Variants in PAH observed in about 807,000 individuals in gnomAD.
PAH encodes phenylalanine hydroxylase, also known as phenylalanine-4-hydroxylase.
In PAH, 64 loss-of-function variants were observed where a neutral mutation model predicts 62.0. The ratio of observed to expected loss-of-function variants is 1.03; its 90% CI spans 0.84 to 1.27. The LOEUF (loss-of-function observed/expected upper bound fraction) is 1.27, where lower values mean the gene tolerates loss of function less well. PAH is among the 50% of genes most tolerant of loss of function. The probability of loss-of-function intolerance (pLI) is 0.00; values close to 1 mark genes in which losing one functional copy is unlikely to be tolerated. For synonymous variants in PAH, 195 were observed against 196.2 expected (o/e 0.99, Z 0.05); for missense variants, 579 against 542.8 (o/e 1.07, Z -0.66).
intron 3 of PAH, among the ~76,000 whole-genome samples, chr12:102,881,710 A>G (rs117786527): frequency 4.2e-3 from 638 of 152,230 alleles, no homozygotes; most frequent in Non-Finnish European, 6.5e-3. Context: ...ATCAAGCAGT[A>G]TTTGTCTTTC....
intron 5 of PAH, among the ~76,000 whole-genome samples, chr12:102,864,349 A>C (rs181754857): frequency 2.4e-4 from 37 of 152,252 alleles, no homozygotes; most frequent in Admixed American, 2.4e-3. Context: ...GGTTAATCTG[A>C]TTCGCACCAG....
upstream of PAH, among the ~76,000 whole-genome samples, chr12:102,918,537 GA>G (rs1472090148): frequency 1.3e-5 from 2 of 150,508 alleles, no homozygotes; most frequent in Admixed American, 6.6e-5. Context: ...TTCTACCACT[GA>G]TTTGGTCAAG....
chr12:102,879,237 G>A (rs961578136), intron 3 of PAH, among the ~76,000 whole-genome samples: 4 of 152,108 alleles, frequency 2.6e-5, no homozygotes, highest in Non-Finnish European at 5.9e-5. Flanking sequence ...TGGTGGAGTA[G>A]CTACTTGAAT....
At chr12:102,853,849 A>G (rs1875287377) in intron 6 of PAH, among the ~76,000 whole-genome samples, 1 of 152,222 alleles carries the variant, frequency 6.6e-6, no homozygotes, top group African/African-American at 2.4e-5. Flanking sequence ...TCCCCACAAT[A>G]GCCCTATGAA....
chr12:102,854,865 G>A (rs1469806305), intron 6 of PAH: 2 of 517,430 alleles, frequency 3.9e-6, no homozygotes, highest in Non-Finnish European at 7.0e-6. Context: ...TGGGCTTTAA[G>A]TGTGAAAGAA....
At chr12:102,862,302 A>G (rs934588706) in intron 5 of PAH, among the ~76,000 whole-genome samples, 12 of 152,210 alleles carry the variant, frequency 7.9e-5, no homozygotes, top group African/African-American at 2.9e-4. Flanking sequence ...ATGGAAGAGA[A>G]AACCAAAGAC....
chr12:102,848,760 T>TAGAGGGTAAACAGGA (rs1555204093), intron 8 of PAH, among the ~76,000 whole-genome samples: 2 of 84,912 alleles, frequency 2.4e-5, no homozygotes, highest in African/African-American at 8.8e-5. Flanking sequence ...GGTAGACAGG[T>TAGAGGGTAAACAGGA]CACCAGGAGA....
chr12:102,953,302 A>G (rs1879823186), upstream of PAH: 1 of 152,244 alleles, frequency 6.6e-6, no homozygotes, highest in African/African-American at 2.4e-5. Flanking sequence ...AGTTAAAAAT[A>G]TAACTTTATT....
Position 102,852,907 on chromosome 12 carries a change from G to A in PAH, c.750C>T (p.Ser250=), listed in dbSNP as rs1592953026. 6.2e-7 allele frequency: 1 copy of A among 1,614,106 alleles called. No homozygotes were observed. The highest frequency in any genetic ancestry group is 8.5e-7 in the Non-Finnish European group (1 of 1,180,010). Residue 250 remains serine (S), a synonymous_variant, in exon 7 of 13, where the codon TCC becomes TCT. Transcript: ENST00000553106. ...CCAGGCCACCCAAGAAATCCCGAGA[G>A]GAAAGCAGGCCAGCCACAGGTCGGA... is the stretch of plus-strand genomic sequence containing the variant. The part of the protein sequence containing the change: ...FRLRPVAGLL[S]SRDFLGGLAF...
intron 4 of PAH, chr12:102,877,093 A>C: frequency 2.8e-6 from 1 of 354,688 alleles, no homozygotes; most frequent in Non-Finnish European, 5.5e-6. Flanking sequence ...TGCCCCCTGC[A>C]GTTGGCAGAG....
At chr12:102,845,317 T>G (rs896567227) in intron 9 of PAH, among the ~76,000 whole-genome samples, 4 of 152,130 alleles carry the variant, frequency 2.6e-5, no homozygotes, top group African/African-American at 9.7e-5. Flanking sequence ...CTCCATCTCT[T>G]TTGTTTTTTT....
At chr12:102,901,651 T>G (rs1877765394) in intron 2 of PAH, among the ~76,000 whole-genome samples, 1 of 152,164 alleles carries the variant, frequency 6.6e-6, no homozygotes, top group Non-Finnish European at 1.5e-5. Context: ...AGGCATCTTT[T>G]GAGATGAGAA....
rs1399587250 is a variant in PAH at position 102,840,510 on chromosome 12, A to G, written c.1205T>C (p.Phe402Ser). Residue 402 changes from phenylalanine (F) to serine (S), a missense_variant, in exon 12 of 13, where the codon TTT becomes TCT. Transcript: ENST00000553106. ...FNDAKEKVRN[F>S]AATIPRPFSV... Reference sequence around the variant, plus strand: ...GAAGGGCCGAGGTATTGTGGCAGCAAAGTTCCTAAGACCAAAACCACAGGC... The same window carrying G: ...GAAGGGCCGAGGTATTGTGGCAGCAGAGTTCCTAAGACCAAAACCACAGGC... 6.2e-7 allele frequency: 1 copy of G among 1,612,264 alleles called. No homozygotes were observed. The highest frequency in any genetic ancestry group is 8.5e-7 in the Non-Finnish European group (1 of 1,178,358).
At position 102,844,388 on chromosome 12, in the gene PAH, T is replaced by C; in HGVS notation, c.1013A>G (p.Asp338Gly). Reference protein sequence around the residue: ...TVEFGLCKQGDSIKAYGAGLL... With the variant: ...TVEFGLCKQGGSIKAYGAGLL... Reference sequence around the variant, plus strand: ...CCCAGCACCATATGCCTTTATGGAGTCTCCTTGTTTGCAGAGCCCAAACTC... The same window carrying C: ...CCCAGCACCATATGCCTTTATGGAGCCTCCTTGTTTGCAGAGCCCAAACTC... Residue 338 changes from aspartate (D) to glycine (G), a missense_variant, in exon 10 of 13, where the codon GAC becomes GGC. Physicochemically the swap from Asp to Gly is moderately conservative, Grantham distance 94 (BLOSUM62 -1). Transcript: ENST00000553106. 6.2e-7 allele frequency: 1 copy of C among 1,613,720 alleles called. No homozygotes were observed. Among genetic ancestry groups the C allele is most frequent in the Non-Finnish European group, 8.5e-7 (1 of 1,179,810 alleles).
chr12:102,917,288 C>A (rs976270003), upstream of PAH: 12 of 704,218 alleles, frequency 1.7e-5, no homozygotes, highest in Middle Eastern at 3.7e-4. Flanking sequence ...CACAGTAACG[C>A]CCCTCGTGGG....
intron 1 of PAH, among the ~76,000 whole-genome samples, chr12:102,938,513 G>A (rs1274207037): frequency 6.6e-6 from 1 of 152,126 alleles, no homozygotes; most frequent in Non-Finnish European, 1.5e-5. Flanking sequence ...CAGTGCTGAG[G>A]AAGGGACAGA....
rs62642936 is a variant in PAH at position 102,846,932 on chromosome 12, A to G, written c.932T>C (p.Leu311Pro). 8.1e-6 allele frequency: 13 copies of G among 1,613,664 alleles called. No homozygotes were observed. The highest frequency in any genetic ancestry group is 1.0e-5 in the Non-Finnish European group (12 of 1,179,730). ...QFSQEIGLAS[L>P]GAPDEYIEKL... ...TTCAATGTATTCATCAGGTGCACCC[A>G]GAGAGGCAAGGCCAATTTCCTGTAA... The change falls in exon 9 of 13, where the codon CTG (leucine) becomes CCG (proline). Residue 311 changes from leucine to proline, a missense_variant. Leu to Pro is a moderately conservative substitution (Grantham distance 98). Transcript: ENST00000553106.
At chr12:102,853,114 G>A in intron 6 of PAH, 164 bp from the exon 7 acceptor site, 1 of 720,120 alleles carries the variant, frequency 1.4e-6, no homozygotes, top group Non-Finnish European at 2.4e-6. Context: ...TTCTAGCTAG[G>A]TGATCTGGAT....
At chr12:102,899,318 C>T (rs1158387440) in intron 2 of PAH, among the ~76,000 whole-genome samples, 3 of 152,142 alleles carry the variant, frequency 2.0e-5, no homozygotes, top group Non-Finnish European at 4.4e-5. Context: ...TTCTGGGAAG[C>T]AGACCATAGG....
Sources: allele counts gnomAD v4.1 joint callset (sites outside exome capture counted in the v4.1 genomes callset), GRCh38; gene constraint gnomAD v4.1.1; transcripts MANE v1.5; gene names NCBI Gene and HGNC (gene_info 2026-07-23, HGNC 2026-07-21).